Variants in SCML4 observed in about 807,000 individuals in gnomAD.
SCML4 encodes Scm polycomb group protein like 4, also known as sex comb on midleg-like protein 4.
A neutral mutation model predicts 41.1 loss-of-function variants in SCML4; 34 were observed. That is an observed-to-expected ratio of 0.83 (90% CI 0.63 to 1.10). The LOEUF is 1.10. Among genes scored for constraint, SCML4 ranks in the 50% least tolerant of loss-of-function variants. SCML4 has a pLI of 0.00. For missense variants in SCML4, 522 were observed against 534.1 expected, an observed-to-expected ratio of 0.98 and a Z score of 0.22; for synonymous variants, 214 against 220.9, an observed-to-expected ratio of 0.97 and a Z score of 0.28.
At chr6:107,754,099 G>A (rs1562221834) in intron 2 of SCML4, among the ~76,000 whole-genome samples, 1 of 152,224 alleles carries the variant, frequency 6.6e-6, no homozygotes, top group Non-Finnish European at 1.5e-5. Flanking sequence ...GGGATGTGCA[G>A]AAATGAATGT....
At chr6:107,768,484 T>G (rs9320236) in intron 2 of SCML4, among the ~76,000 whole-genome samples, 49,383 of 152,106 alleles carry the variant, frequency 0.32, 8,186 homozygotes, top group African/African-American at 0.37. Context: ...CTTTCTTAAC[T>G]CATTAAACAG....
the SCML4 span, among the ~76,000 whole-genome samples, chr6:107,839,367 A>C: frequency 3.9e-5 from 1 of 25,450 alleles, no homozygotes; most frequent in Non-Finnish European, 7.1e-5. Context: ...GAAAGAAAGA[A>C]GGAAAGAAAG....
intron 1 of SCML4, among the ~76,000 whole-genome samples, chr6:107,798,874 T>C (rs1482509530): frequency 1.3e-5 from 2 of 152,150 alleles, no homozygotes; most frequent in African/African-American, 4.8e-5. Flanking sequence ...TTTGGTAGTA[T>C]GTTTTAATTT....
chr6:107,842,111 T>C, the SCML4 span, among the ~76,000 whole-genome samples: 10 of 152,230 alleles, frequency 6.6e-5, no homozygotes, highest in Non-Finnish European at 1.5e-4. Context: ...ACAAATTAGA[T>C]ATAATTTGTT....
intron 6 of SCML4, among the ~76,000 whole-genome samples, chr6:107,717,514 A>G (rs1451825449): frequency 6.6e-6 from 1 of 152,122 alleles, no homozygotes; most frequent in African/African-American, 2.4e-5. Flanking sequence ...ACTGGATTTC[A>G]GGGTCTCAGG....
chr6:107,752,182 G>A (rs1778750800), intron 2 of SCML4, among the ~76,000 whole-genome samples: 1 of 152,176 alleles, frequency 6.6e-6, no homozygotes, highest in Admixed American at 6.5e-5. Context: ...CACCAGGAGG[G>A]CTCTAGGTGG....
At chr6:107,818,763 A>C (rs1356562) in intron 1 of SCML4, among the ~76,000 whole-genome samples, 1,699 of 152,330 alleles carry the variant, frequency 0.011, 39 homozygotes, top group African/African-American at 0.038. Flanking sequence ...CTCATTCACC[A>C]AGGCAGACTG....
chr6:107,726,609 T>C (rs1335291652), intron 5 of SCML4, among the ~76,000 whole-genome samples: 1 of 150,196 alleles, frequency 6.7e-6, no homozygotes. Flanking sequence ...GATAAAGGAC[T>C]TGAATAAACA....
At chr6:107,784,288 G>A (rs147104964) in intron 1 of SCML4, among the ~76,000 whole-genome samples, 135 of 152,276 alleles carry the variant, frequency 8.9e-4, no homozygotes, top group African/African-American at 3.0e-3. Context: ...GGCAAAACCC[G>A]TAAGTCAAGA....
At chr6:107,755,530 T>C in intron 2 of SCML4, 1 of 1,038,954 alleles carries the variant, frequency 9.6e-7, no homozygotes, top group South Asian at 1.7e-5. Context: ...GCTAGAAGCT[T>C]TGCTCTAGTG....
In SCML4 at chr6:107,806,470, G is replaced by A. The variant is rs544604575; in HGVS notation, c.-60+17656C>T. Among the ~76,000 whole-genome samples, 24 of 152,250 alleles carry A rather than the reference G, an allele frequency of 1.6e-4. No individual in the cohort carries two copies. In the South Asian group the frequency reaches 3.3e-3, roughly 21 times the overall value. ...ACAAATATAAGTAACGCCACCAACC[G>A]GTTTCTACTTCTCCACTGACATGTT... is the stretch of plus-strand genomic sequence containing the variant. On this transcript the variant is annotated intron_variant, in intron 1 of 7. Coordinates refer to ENST00000369020, the MANE Select transcript of SCML4 (RefSeq NM_198081.5).
At chr6:107,791,243 C>G (rs1026831608) in intron 1 of SCML4, among the ~76,000 whole-genome samples, 6 of 152,112 alleles carry the variant, frequency 3.9e-5, no homozygotes, top group Non-Finnish European at 5.9e-5. Context: ...CAAAATGCCT[C>G]AGGACTATTT....
chr6:107,758,292 C>A (rs749290071), intron 2 of SCML4, among the ~76,000 whole-genome samples: 1 of 152,172 alleles, frequency 6.6e-6, no homozygotes, highest in Non-Finnish European at 1.5e-5. Context: ...GCTTTCCAGG[C>A]AGACAGAACA....
At position 107,793,390 on chromosome 6, in the gene SCML4, A is replaced by C. The variant is rs559824092; in HGVS notation, c.-59-21004T>G. ...CTACAGACAGGAAGCCCCTGCATGC[A>C]CATGAGACACAGAACCAATAACTGG... On this transcript the variant is annotated intron_variant, in intron 1 of 7. Coordinates refer to ENST00000369020, the MANE Select transcript of SCML4 (RefSeq NM_198081.5). 7.2e-5 allele frequency among the ~76,000 whole-genome samples: 11 copies of C among 152,358 alleles called. No homozygotes were observed. In the South Asian group the frequency reaches 1.2e-3, roughly 17 times the overall value.
At chr6:107,793,447 A>T (rs1367298865) in intron 1 of SCML4, among the ~76,000 whole-genome samples, 1 of 152,214 alleles carries the variant, frequency 6.6e-6, no homozygotes, top group Admixed American at 6.5e-5. Context: ...TGCTTAAAAC[A>T]AGCTGAACAC....
At chr6:107,726,449 C>T (rs1464811952) in intron 5 of SCML4, among the ~76,000 whole-genome samples, 2 of 141,420 alleles carry the variant, frequency 1.4e-5, no homozygotes, top group Admixed American at 1.5e-4. Flanking sequence ...AGGAGAATGG[C>T]GTGAACCCGG....
chr6:107,728,645 T>C (rs372082632), intron 5 of SCML4, among the ~76,000 whole-genome samples: 14 of 152,250 alleles, frequency 9.2e-5, no homozygotes, highest in Admixed American at 5.2e-4. Flanking sequence ...AAGAAACTAC[T>C]GATGCCCGTG....
chr6:107,725,337 AT>A (rs1562185291), intron 5 of SCML4, among the ~76,000 whole-genome samples: 1 of 152,204 alleles, frequency 6.6e-6, no homozygotes, highest in African/African-American at 2.4e-5. Context: ...TGATTTAAAA[AT>A]TTTTTAAAAA....
chr6:107,822,508 C>CTTTTTTTTTT (rs10677944), intron 1 of SCML4, among the ~76,000 whole-genome samples: 14 of 137,998 alleles, frequency 1.0e-4, no homozygotes, highest in African/African-American at 3.2e-4. Context: ...TTTTTCTTTT[C>CTTTTTTTTTT]TTTTTTTTTT....
Sources: allele counts gnomAD v4.1 joint callset (sites outside exome capture counted in the v4.1 genomes callset), GRCh38; gene constraint gnomAD v4.1.1; transcripts MANE v1.5; gene names NCBI Gene and HGNC (gene_info 2026-07-23, HGNC 2026-07-21).